The following ENTPD6 variants were observed in gnomAD, a reference collection of about 807,000 sequenced individuals.
ENTPD6 encodes the protein CD39 antigen-like 2.
Under a neutral mutation model 61.5 loss-of-function variants are expected in ENTPD6, and 46 were observed. That is an observed-to-expected ratio of 0.75 (90% CI 0.59 to 0.96). The LOEUF (loss-of-function observed/expected upper bound fraction) is 0.96, where lower values mean the gene tolerates loss of function less well. Among genes scored for constraint, ENTPD6 ranks in the 40% least tolerant of loss-of-function variants. The pLI is 0.00. For missense variants in ENTPD6, 612 were observed against 629.0 expected, an observed-to-expected ratio of 0.97 and a Z score of 0.29; for synonymous variants, 252 against 255.5, an observed-to-expected ratio of 0.99 and a Z score of 0.13.
At chr20:25,206,466 C>G (rs1196577081) in intron 1 of ENTPD6, 56 bp from the exon 2 acceptor site, 1 of 1,346,462 alleles carries the variant, frequency 7.4e-7, no homozygotes, top group African/African-American at 1.4e-5. Context: ...TTTTGCTACT[C>G]TAGTAGAATT....
intron 3 of ENTPD6, among the ~76,000 whole-genome samples, chr20:25,209,615 T>TA (rs200731715): frequency 0.012 from 1,740 of 151,194 alleles, 35 homozygotes; most frequent in African/African-American, 0.039. Context: ...ATAATAATTT[T>TA]AAAAAAATAA....
At chr20:25,207,807 C>T (rs1298665659) in intron 3 of ENTPD6, among the ~76,000 whole-genome samples, 8 of 152,178 alleles carry the variant, frequency 5.3e-5, no homozygotes, top group South Asian at 2.1e-4. Flanking sequence ...TGGGCTTGAC[C>T]GGGAGCTGCC....
At chr20:25,202,119 G>T (rs1312436558) in intron 1 of ENTPD6, among the ~76,000 whole-genome samples, 3 of 152,138 alleles carry the variant, frequency 2.0e-5, no homozygotes, top group Admixed American at 1.3e-4. Flanking sequence ...AAGAGAAAAT[G>T]TATTTGCTAT....
At position 25,225,463 on chromosome 20, in the gene ENTPD6, G is replaced by T. The variant is rs141593937; in HGVS notation, c.1357-36G>T. 2.5e-4 allele frequency: 408 copies of T among 1,602,298 alleles called. 2 individuals are homozygous for T. The African/African-American group carries it at 4.7e-3, about 19-fold the overall frequency. On this transcript the variant is annotated intron_variant, in intron 14 of 14. Coordinates refer to ENST00000376652, the MANE Select transcript of ENTPD6 (RefSeq NM_001247.5). ...CCTGATGCACAAGGCTTTCCTGTCT[G>T]TGTGATGGTCCCCTCTCCCTCTCTG...
At position 25,216,726 on chromosome 20, in the gene ENTPD6, C is replaced by T. The variant is rs2092334727; in HGVS notation, c.788C>T (p.Pro263Leu). Residue 263 changes from proline (P) to leucine (L), a missense_variant, in exon 8 of 15, where the codon CCA becomes CTA. Transcript: ENST00000376652. ...GGATCCACTCAGATCGCCTTCCTGC[C>T]ACGCGTGGAGGTAACAAGCCCTGCC... ...GGGSTQIAFL[P>L]RVEGTLQASP... is the part of the protein sequence containing the mutation. The T allele has an allele frequency of 6.3e-7, 1 of 1,596,750 alleles. No homozygotes were observed. The highest frequency in any genetic ancestry group is 1.3e-5 in the African/African-American group (1 of 74,702).
chr20:25,216,774 C>T lies in ENTPD6; in HGVS notation c.798+38C>T, dbSNP rs745982744. The T allele has an allele frequency of 1.8e-5, 27 of 1,509,344 alleles. 1 individual carries two copies. The highest frequency in any genetic ancestry group is 1.9e-4 in the Middle Eastern group (1 of 5,300). The allele number at this position is 1,509,344 out of a possible 1,614,324, so 93.5% of individuals were successfully genotyped here. On this transcript the variant is annotated intron_variant, in intron 8 of 14. Transcript: ENST00000376652. ...GCCGACCACAGCGCTCTTTCCACCCCGAGGCCACACCGCCATGGGGGTGCA... is the reference window on the plus strand; with the variant it reads ...GCCGACCACAGCGCTCTTTCCACCCTGAGGCCACACCGCCATGGGGGTGCA...
At chr20:25,209,521 C>T (rs554677050) in intron 3 of ENTPD6, among the ~76,000 whole-genome samples, 1 of 151,512 alleles carries the variant, frequency 6.6e-6, no homozygotes, top group Non-Finnish European at 1.5e-5. Flanking sequence ...AGTTCAAGAC[C>T]AGCCTGGGCA....
intron 3 of ENTPD6, among the ~76,000 whole-genome samples, chr20:25,209,083 CT>C (rs981491079): frequency 7.0e-6 from 1 of 142,334 alleles, no homozygotes. Flanking sequence ...CACCTGGCTA[CT>C]TTTTTTTTCT....
intron 1 of ENTPD6, among the ~76,000 whole-genome samples, chr20:25,201,300 A>G (rs903039440): frequency 6.6e-6 from 1 of 152,096 alleles, no homozygotes; most frequent in Admixed American, 6.6e-5. Flanking sequence ...CTCTGTTTCT[A>G]TATTGATCTT....
intron 9 of ENTPD6, 33 bp from the exon 10 acceptor site, chr20:25,218,517 G>A (rs1266585701): frequency 4.4e-6 from 7 of 1,581,252 alleles, no homozygotes; most frequent in Non-Finnish European, 6.0e-6. Flanking sequence ...ACCTGCCATG[G>A]CAGCTGCCCT....
At chr20:25,218,765 G>A in intron 10 of ENTPD6, 151 bp downstream of exon 10, 1 of 835,884 alleles carries the variant, frequency 1.2e-6, no homozygotes, top group South Asian at 1.8e-5. Context: ...CTGCATGCTG[G>A]GCACCCAGCC....
chr20:25,217,895 C>T (rs2092413667), intron 9 of ENTPD6, among the ~76,000 whole-genome samples: 1 of 150,578 alleles, frequency 6.6e-6, no homozygotes, highest in South Asian at 2.1e-4. Flanking sequence ...CTCTCCTCCT[C>T]CTCCTCCCGC....
At chr20:25,209,388 G>A (rs1297252140) in intron 3 of ENTPD6, among the ~76,000 whole-genome samples, 1 of 151,690 alleles carries the variant, frequency 6.6e-6, no homozygotes, top group African/African-American at 2.4e-5. Context: ...GGGATTACAG[G>A]CGTGAGCCAC....
intron 9 of ENTPD6, 64 bp downstream of exon 9, chr20:25,217,645 G>A (rs550723236): frequency 2.8e-5 from 39 of 1,399,714 alleles, no homozygotes; most frequent in East Asian, 1.8e-4. Context: ...CCAGGGCCTC[G>A]CATGGCCCTC....
At chr20:25,215,062 T>C in intron 6 of ENTPD6, 120 bp downstream of exon 6, 3 of 664,700 alleles carry the variant, frequency 4.5e-6, no homozygotes, top group South Asian at 3.4e-5. Context: ...TCCTCCCCCG[T>C]CCGATGCTCA....
intron 1 of ENTPD6, chr20:25,197,257 C>A: frequency 1.0e-6 from 1 of 984,844 alleles, no homozygotes; most frequent in Non-Finnish European, 1.2e-6. Flanking sequence ...AGAAAGCCAA[C>A]CAGGGGACAG....
intron 1 of ENTPD6, among the ~76,000 whole-genome samples, chr20:25,206,038 C>A (rs2091467627): frequency 6.6e-6 from 1 of 152,248 alleles, no homozygotes; most frequent in South Asian, 2.1e-4. Flanking sequence ...TTCTGTAAAG[C>A]CCGCATGTGG....
At chr20:25,216,149 A>G (rs1306172177) in intron 7 of ENTPD6, among the ~76,000 whole-genome samples, 2 of 152,180 alleles carry the variant, frequency 1.3e-5, no homozygotes, top group African/African-American at 4.8e-5. Flanking sequence ...ACAAGGAGTC[A>G]TTTTTCTTAG....
In ENTPD6 at chr20:25,213,519, G is replaced by A. The variant is rs2092119103; in HGVS notation, c.597+113G>A. 4.3e-6 allele frequency: 5 copies of A among 1,162,850 alleles called. No individual in the cohort carries two copies. The African/African-American group carries it at 6.2e-5, about 14-fold the overall frequency. 72.0% of individuals were successfully genotyped at this position (1,162,850 alleles called of 1,614,324 possible). A position where few individuals can be genotyped will look rare whatever the true frequency, so the allele number is the denominator to read the frequency against. The stretch of plus-strand genomic sequence containing the variant: ...CATCAGGCAGGACACAGATGCTTCT[G>A]AAGAAAAGTTTGCAGCATCACTTTT... On this transcript the variant is annotated intron_variant, in intron 5 of 14. Transcript: ENST00000376652.
Sources: allele counts gnomAD v4.1 joint callset (sites outside exome capture counted in the v4.1 genomes callset), GRCh38; gene constraint gnomAD v4.1.1; transcripts MANE v1.5; gene names NCBI Gene and HGNC (gene_info 2026-07-23, HGNC 2026-07-21).